SPECC1L: variants seen among roughly 807,000 people sequenced by gnomAD.
SPECC1L encodes sperm antigen with calponin homology and coiled-coil domains 1 like, also known as cytospin-A.
SPECC1L carries 40 observed loss-of-function variants against 116.8 expected under a neutral mutation model. The ratio of observed to expected loss-of-function variants is 0.34; its 90% CI spans 0.27 to 0.45. The LOEUF is 0.45. SPECC1L is among the 20% of genes least tolerant of loss of function. The probability of loss-of-function intolerance (pLI) is 1.00; values close to 1 mark genes in which losing one functional copy is unlikely to be tolerated. For missense variants in SPECC1L, 1,110 were observed against 1,373.6 expected (o/e 0.81, Z 3.03); for synonymous variants, 504 against 500.6 (o/e 1.01, Z -0.09).
chr22:24,406,186 G>A (rs1354768888), intron 14 of SPECC1L, among the ~76,000 whole-genome samples: 1 of 152,198 alleles, frequency 6.6e-6, no homozygotes, highest in Non-Finnish European at 1.5e-5. Flanking sequence ...AGAAAGTTTA[G>A]TTCCAGACCT....
intron 14 of SPECC1L, among the ~76,000 whole-genome samples, chr22:24,390,358 C>T (rs138299829): frequency 6.6e-6 from 1 of 152,158 alleles, no homozygotes; most frequent in African/African-American, 2.4e-5. Context: ...ATTAGGAATT[C>T]CTCATAGTCC....
chr22:24,326,723 T>C (rs1400985024), intron 6 of SPECC1L, among the ~76,000 whole-genome samples: 1 of 152,160 alleles, frequency 6.6e-6, no homozygotes, highest in Non-Finnish European at 1.5e-5. Context: ...TATGACACAT[T>C]TATCAAATTA....
rs1197198196 is a variant in SPECC1L, at chr22:24,338,426, G to C, written c.2601G>C (p.Leu867=). The C allele has an allele frequency of 6.2e-7, 1 of 1,614,112 alleles. No homozygotes were observed. The highest frequency in any genetic ancestry group is 1.1e-5 in the South Asian group (1 of 91,078). Residue 867 remains leucine (L), a synonymous_variant, in exon 10 of 17, where the codon CTG becomes CTC. Coordinates refer to ENST00000314328, the MANE Select transcript of SPECC1L (RefSeq NM_015330.6). ...CAGCTGCAATTCCTCGAACGCCCCTGAGCCCAAGTCCTATGAAAACCCCTC... is the reference window on the plus strand; with the variant it reads ...CAGCTGCAATTCCTCGAACGCCCCTCAGCCCAAGTCCTATGAAAACCCCTC... The part of the protein sequence containing the change: ...PAAAAIPRTP[L]SPSPMKTPPA...
In SPECC1L at chr22:24,393,031, C is replaced by G. The variant is rs942842614; in HGVS notation, c.3088-18557C>G. Among the ~76,000 whole-genome samples, 8 of 152,330 alleles carry G rather than the reference C, an allele frequency of 5.3e-5. No homozygotes were observed. The East Asian group carries it at 1.3e-3, about 26-fold the overall frequency. The stretch of plus-strand genomic sequence containing the variant: ...GAGAGACAGGCATAAGCCACCCCAC[C>G]TTTGATGACACAGTCTTGGAAGCCA... On this transcript the variant is annotated intron_variant, in intron 14 of 16. Coordinates refer to ENST00000314328, the MANE Select transcript of SPECC1L (RefSeq NM_015330.6).
chr22:24,378,582 T>C (rs897548987), intron 14 of SPECC1L, among the ~76,000 whole-genome samples: 6 of 152,362 alleles, frequency 3.9e-5, no homozygotes, highest in African/African-American at 1.4e-4. Context: ...AAGTGAAAGA[T>C]GTGCGAGTCT....
chr22:24,332,943 A>G (rs1300885929), intron 8 of SPECC1L, among the ~76,000 whole-genome samples: 2 of 152,226 alleles, frequency 1.3e-5, no homozygotes, highest in African/African-American at 4.8e-5. Context: ...TAAAAGTTCT[A>G]ATCAGCCGGG....
chr22:24,408,750 G>T (rs1012983352), intron 14 of SPECC1L, among the ~76,000 whole-genome samples: 4 of 152,256 alleles, frequency 2.6e-5, no homozygotes, highest in African/African-American at 9.6e-5. Context: ...TCTTGGGTCT[G>T]CTGTCCTTTG....
At chr22:24,340,228 AACCTCC>A (rs1175662673) in intron 10 of SPECC1L, among the ~76,000 whole-genome samples, 5 of 138,330 alleles carry the variant, frequency 3.6e-5, no homozygotes, top group Non-Finnish European at 7.5e-5. Context: ...GGCTCACTGC[AACCTCC>A]ACCTCCTGGG....
chr22:24,395,032 T>G (rs1055356847), intron 14 of SPECC1L, among the ~76,000 whole-genome samples: 8 of 152,144 alleles, frequency 5.3e-5, no homozygotes, highest in African/African-American at 1.9e-4. Context: ...TTCATCATGT[T>G]GCCCAGGCTG....
intron 2 of SPECC1L, among the ~76,000 whole-genome samples, chr22:24,289,923 C>G (rs1330713927): frequency 6.6e-6 from 1 of 152,178 alleles, no homozygotes. Flanking sequence ...ATGGCAACAT[C>G]AACAAAGTGT....
rs1248619557 is a variant in SPECC1L, at chr22:24,276,696, C to G, written c.-141-4C>G. The G allele has an allele frequency of 2.3e-6, 1 of 441,484 alleles. No individual in the cohort carries two copies. Among genetic ancestry groups the G allele is most frequent in the African/African-American group, 2.0e-5 (1 of 49,150 alleles). The allele number at this position is 441,484 out of a possible 1,614,324, so 27.3% of individuals were successfully genotyped here. A position where few individuals can be genotyped will look rare whatever the true frequency, so the allele number is the denominator to read the frequency against. On this transcript the variant is annotated splice_region_variant and splice_polypyrimidine_tract_variant and intron_variant, in intron 1 of 16. Transcript: ENST00000314328. Reference sequence around the variant, plus strand: ...CTATTCTATTCTTCCTCTCTCTCTTCTAGTGTTCTTGGGGAAGATCCCGAC... The same window carrying G: ...CTATTCTATTCTTCCTCTCTCTCTTGTAGTGTTCTTGGGGAAGATCCCGAC...
intron 6 of SPECC1L, among the ~76,000 whole-genome samples, chr22:24,327,071 A>G (rs2040835223): frequency 1.3e-5 from 2 of 152,016 alleles, no homozygotes; most frequent in South Asian, 4.1e-4. Flanking sequence ...TGAGGTCAGG[A>G]GTTCAAGACC....
At chr22:24,331,361 A>G (rs559276236) in intron 8 of SPECC1L, among the ~76,000 whole-genome samples, 1 of 152,304 alleles carries the variant, frequency 6.6e-6, no homozygotes, top group East Asian at 1.9e-4. Flanking sequence ...TTTTCATTGG[A>G]TTCCTTAAGC....
In SPECC1L at chr22:24,313,848, C is replaced by T. The variant is rs149573026; in HGVS notation, c.307+382C>T. On this transcript the variant is annotated intron_variant, in intron 4 of 16. Transcript: ENST00000314328. ...TCGCCTCCCAGGTTCAAGCGATTCT[C>T]CTGCCTCAGCCTCCTGAGTAGCTGG... is the stretch of plus-strand genomic sequence containing the variant. 2.4e-3 allele frequency among the ~76,000 whole-genome samples: 358 copies of T among 151,554 alleles called. 4 individuals are homozygous for T. The highest frequency in any genetic ancestry group is 8.3e-3 in the African/African-American group (342 of 41,230).
At chr22:24,329,466 T>C (rs2040894305) in intron 7 of SPECC1L, among the ~76,000 whole-genome samples, 1 of 152,252 alleles carries the variant, frequency 6.6e-6, no homozygotes, top group Non-Finnish European at 1.5e-5. Flanking sequence ...TTTGTGGCCA[T>C]GATCCATCTT....
At chr22:24,294,668 C>A (rs1398481281) in intron 2 of SPECC1L, among the ~76,000 whole-genome samples, 2 of 152,050 alleles carry the variant, frequency 1.3e-5, no homozygotes, top group Non-Finnish European at 2.9e-5. Context: ...GAGGCATGAG[C>A]CACTGGGGCC....
rs1601333804 is a variant in SPECC1L at position 24,390,878 on chromosome 22, T to TCTTTTCTTTTC, written c.3088-20710_3088-20709insCTTTTCTTTTC. On this transcript the variant is annotated intron_variant, in intron 14 of 16. Coordinates refer to ENST00000314328, the MANE Select transcript of SPECC1L (RefSeq NM_015330.6). The stretch of plus-strand genomic sequence containing the variant: ...TTTTTTTTTTTTTTCTTTTCTTTTT[T>TCTTTTCTTTTC]TTTTTTTTTTTTTTTTTTTTGAGTC... Among the ~76,000 whole-genome samples the TCTTTTCTTTTC allele has an allele frequency of 2.7e-4, 25 of 91,240 alleles. No homozygotes were observed. In the South Asian group the frequency reaches 8.5e-3, roughly 31 times the overall value. 59.9% of individuals were successfully genotyped at this position (91,240 alleles called of 152,430 possible).
At chr22:24,391,657 G>A (rs1012933494) in intron 14 of SPECC1L, among the ~76,000 whole-genome samples, 3 of 152,170 alleles carry the variant, frequency 2.0e-5, no homozygotes, top group African/African-American at 2.4e-5. Flanking sequence ...ATTAGGAATG[G>A]TGCCCTGGCG....
At chr22:24,395,698 C>T (rs374155964) in intron 14 of SPECC1L, among the ~76,000 whole-genome samples, 8 of 152,160 alleles carry the variant, frequency 5.3e-5, no homozygotes, top group African/African-American at 9.6e-5. Flanking sequence ...AGTGCAGTGG[C>T]GTGATATCAG....
Sources: gnomAD v4.1 joint callset for allele counts (sites outside exome capture counted in the v4.1 genomes callset) on GRCh38, gnomAD v4.1.1 for gene constraint, MANE v1.5 for transcripts, NCBI Gene and HGNC (gene_info 2026-07-23, HGNC 2026-07-21) for gene names.